Variants in FAM83H observed in about 807,000 individuals in gnomAD.
FAM83H encodes the protein protein FAM83H.
In FAM83H, 24 loss-of-function variants were observed where a neutral mutation model predicts 30.2. That is an observed-to-expected ratio of 0.79 (90% CI 0.57 to 1.12). FAM83H has a LOEUF of 1.12. FAM83H is among the 50% of genes most tolerant of loss of function. The pLI is 0.00. For synonymous variants in FAM83H, 1,013 were observed against 821.7 expected (o/e 1.23, Z -3.98); for missense variants, 2,038 against 1,773.9 (o/e 1.15, Z -2.67).
rs545384400 is a variant in FAM83H, at chr8:143,730,553, C to T, written c.30G>A (p.Gln10=). 3.2e-6 allele frequency: 5 copies of T among 1,562,330 alleles called. No individual in the cohort carries two copies. The African/African-American group carries it at 5.4e-5, about 17-fold the overall frequency. Residue 10 remains glutamine (Q), a synonymous_variant, in exon 2 of 5, where the codon CAG becomes CAA. Coordinates refer to ENST00000388913, the MANE Select transcript of FAM83H (RefSeq NM_198488.5). MARRSQSSS[Q]GDNPLAPGYL... ...ACCCGGGTGCCAGTGGGTTGTCCCC[C>T]TGCGAGGAGCTCTGAGAGCGACGGG... is the stretch of plus-strand genomic sequence containing the variant.
Position 143,725,930 on chromosome 8 carries a change from G to C in FAM83H, c.3531C>G (p.Ser1177Arg), listed in dbSNP as rs782287059. 1.9e-6 allele frequency: 3 copies of C among 1,612,954 alleles called. No individual in the cohort carries two copies. Among genetic ancestry groups the C allele is most frequent in the Non-Finnish European group, 2.5e-6 (3 of 1,179,944 alleles). Residue 1177 changes from serine to arginine, a missense_variant, in exon 5 of 5, where the codon AGC becomes AGG. Ser to Arg is a moderately radical substitution (Grantham distance 110). Coordinates refer to ENST00000388913, the MANE Select transcript of FAM83H (RefSeq NM_198488.5). ...FVPKILGTFK[S>R]KK Reference sequence around the variant, plus strand: ...TGCCAGGCCAGAAGACTCACTTCTTGCTTTTGAACGTGCCCAGGATCTTGG... The same window carrying C: ...TGCCAGGCCAGAAGACTCACTTCTTCCTTTTGAACGTGCCCAGGATCTTGG...
In FAM83H at chr8:143,731,440, C is replaced by T. The variant is rs1818518287; in HGVS notation, c.-15-843G>A. On this transcript the variant is annotated intron_variant, in intron 1 of 4. Transcript: ENST00000388913. ...CTCCTCCTGGAATGGCAACCTTAAG[C>T]CCCACACATAGTCCCGGGCCACACC... 4.1e-6 allele frequency: 4 copies of T among 985,386 alleles called. No homozygotes were observed. In the African/African-American group the frequency reaches 7.0e-5, roughly 17 times the overall value. 61.0% of individuals were successfully genotyped at this position (985,386 alleles called of 1,614,324 possible).
At chr8:143,732,921 G>C (rs2129711094) in intron 1 of FAM83H, among the ~76,000 whole-genome samples, 1 of 152,050 alleles carries the variant, frequency 6.6e-6, no homozygotes, top group East Asian at 1.9e-4. Flanking sequence ...GGCCTTCAAG[G>C]ACCCCATCCT....
intron 1 of FAM83H, among the ~76,000 whole-genome samples, chr8:143,731,168 A>C (rs1367844395): frequency 2.7e-5 from 4 of 147,116 alleles, no homozygotes; most frequent in African/African-American, 1.0e-4. Context: ...CAAACAATCC[A>C]GGCTGCATTC....
At chr8:143,729,971 C>A (rs1211378290) in intron 2 of FAM83H, among the ~76,000 whole-genome samples, 165 bp downstream of exon 2, 2 of 152,176 alleles carry the variant, frequency 1.3e-5, no homozygotes, top group African/African-American at 4.8e-5. Context: ...GCCTGCAGCC[C>A]CTGATGACCG....
rs782476188 is a variant in FAM83H at position 143,726,810 on chromosome 8, G to C, written c.2651C>G (p.Pro884Arg). Reference protein sequence around the residue: ...AYPERKGSPTPGFSTRRGSPT... With the variant: ...AYPERKGSPTRGFSTRRGSPT... The stretch of plus-strand genomic sequence containing the variant: ...ACTTCCTCTTCGAGTGGAAAACCCA[G>C]GCGTGGGGCTCCCCTTCCGCTCAGG... The change falls in exon 5 of 5, where the codon CCT becomes CGT. Residue 884 changes from proline to arginine, a missense_variant. Physicochemically the swap from Pro to Arg is moderately radical, Grantham distance 103. Coordinates refer to ENST00000388913, the MANE Select transcript of FAM83H (RefSeq NM_198488.5). 1 of 1,612,868 alleles carries C rather than the reference G, an allele frequency of 6.2e-7. No individual in the cohort carries two copies. The highest frequency in any genetic ancestry group is 1.1e-5 in the South Asian group (1 of 91,074).
intron 2 of FAM83H, 122 bp downstream of exon 2, chr8:143,730,008 CCAGGGA>C: frequency 2.3e-6 from 2 of 859,182 alleles, no homozygotes; most frequent in Non-Finnish European, 3.5e-6. Context: ...AAGATCTTTG[CCAGGGA>C]CCCCCACTCC....
Position 143,727,002 on chromosome 8 carries a change from A to G in FAM83H, c.2459T>C (p.Leu820Pro). 2 of 1,585,922 alleles carry G rather than the reference A, an allele frequency of 1.3e-6. No individual in the cohort carries two copies. The highest frequency in any genetic ancestry group is 2.3e-5 in the South Asian group (2 of 88,678). ...GAASLTAAQL[L>P]DTLGRSGSDR... ...GGAGCCGCTCCGGCCCAGTGTGTCGAGCAGCTGCGCCGCGGTGAGCGACGC... is the reference window on the plus strand; with the variant it reads ...GGAGCCGCTCCGGCCCAGTGTGTCGGGCAGCTGCGCCGCGGTGAGCGACGC... Residue 820 changes from leucine to proline, a missense_variant, in exon 5 of 5, where the codon CTC (leucine) becomes CCC (proline). Transcript: ENST00000388913.
Position 143,727,055 on chromosome 8 carries a change from G to A in FAM83H, c.2406C>T (p.His802=), listed in dbSNP as rs1554622275. 6 of 1,550,422 alleles carry A rather than the reference G, an allele frequency of 3.9e-6. No individual in the cohort carries two copies. Among genetic ancestry groups the A allele is most frequent in the Admixed American group, 1.9e-5 (1 of 52,678 alleles). ...CTCCCGGCTGCCGCTCCGCCTCCTG[G>A]TGCAGCTGCTGTGCAAAGGAGTCGC... ...DLRDSFAQQL[H]QEAERQPGAA... Residue 802 remains histidine, a synonymous_variant, in exon 5 of 5, where the codon CAC becomes CAT. Coordinates refer to ENST00000388913, the MANE Select transcript of FAM83H (RefSeq NM_198488.5).
chr8:143,727,980 C>T lies in FAM83H; in HGVS notation c.1481G>A (p.Gly494Glu), dbSNP rs1322764655. ...GGGTCCGAGCTCCGGGAAGCGGGGC[C>T]CGGCGCCCAGGGTGAAGTCATCCGG... ...ADPDDFTLGA[G>E]PRFPELGPDG... is the part of the protein sequence containing the mutation. The change falls in exon 5 of 5, where the codon GGG becomes GAG. Residue 494 changes from glycine to glutamate, a missense_variant. By Grantham distance (98) the Gly-to-Glu change is moderately conservative. Transcript: ENST00000388913. 8.9e-6 allele frequency: 14 copies of T among 1,577,984 alleles called. No individual in the cohort carries two copies. In the African/African-American group the frequency reaches 1.6e-4, roughly 18 times the overall value.
chr8:143,728,819 A>G, intron 4 of FAM83H, 96 bp from the exon 5 acceptor site: 1 of 1,596,498 alleles, frequency 6.3e-7, no homozygotes. Flanking sequence ...CAGGGATGTG[A>G]GGTCTGCAAG....
chr8:143,725,158 G>A lies in FAM83H; in HGVS notation c.*763C>T, dbSNP rs1458309759. On this transcript the variant is annotated 3_prime_UTR_variant, in exon 5 of 5. Transcript: ENST00000388913. ...GCCCAGGCGGGGGAGGGGGGAGACGGGGGGGGGGGGGGGGGAGGGAAGGAG... is the reference window on the plus strand; with the variant it reads ...GCCCAGGCGGGGGAGGGGGGAGACGAGGGGGGGGGGGGGGGAGGGAAGGAG... 7.1e-4 allele frequency: 46 copies of A among 65,212 alleles called. 3 individuals carry two copies. Among genetic ancestry groups the A allele is most frequent in the African/African-American group, 2.7e-3 (45 of 16,442 alleles). The allele number at this position is 65,212 out of a possible 1,614,324, so 4.0% of individuals were successfully genotyped here.
At position 143,730,150 on chromosome 8, in the gene FAM83H, G is replaced by C. The variant is rs781884502; in HGVS notation, c.433C>G (p.Arg145Gly). The C allele has an allele frequency of 6.3e-7, 1 of 1,582,686 alleles. No homozygotes were observed. The highest frequency in any genetic ancestry group is 1.7e-5 in the Admixed American group (1 of 58,066). ...AGATGGCGCACCTGCTGGGCGGAACGGATCATCCTGCGGGCCTCATCCTTG... is the reference window on the plus strand; with the variant it reads ...AGATGGCGCACCTGCTGGGCGGAACCGATCATCCTGCGGGCCTCATCCTTG... ...SIKDEARRMI[R>G]SAQQVVAVVM... The change falls in exon 2 of 5, where the codon CGT becomes GGT. Residue 145 changes from arginine (R) to glycine (G), a missense_variant. Arg to Gly is a moderately radical substitution (Grantham distance 125). Coordinates refer to ENST00000388913, the MANE Select transcript of FAM83H (RefSeq NM_198488.5).
In FAM83H at chr8:143,728,306, C is replaced by T; in HGVS notation, c.1155G>A (p.Gly385=). The change falls in exon 5 of 5, where the codon GGG becomes GGA. Residue 385 remains glycine (G), a synonymous_variant. Coordinates refer to ENST00000388913, the MANE Select transcript of FAM83H (RefSeq NM_198488.5). ...PLSRRLEAEA[G]PAGELAGARG... ...GCGCGCCCGCGAGCTCCCCAGCCGG[C>T]CCGGCCTCGGCCTCCAGGCGCCGCG... 1 of 1,459,180 alleles carries T rather than the reference C, an allele frequency of 6.9e-7. No homozygotes were observed. The highest frequency in any genetic ancestry group is 9.0e-7 in the Non-Finnish European group (1 of 1,111,016). The allele number at this position is 1,459,180 out of a possible 1,614,324, so 90.4% of individuals were successfully genotyped here.
In FAM83H at chr8:143,727,118, G is replaced by A. The variant is rs1480416608; in HGVS notation, c.2343C>T (p.Gly781=). ...EEVAAPGAVG[G]ERRSLESCLL... is the part of the protein sequence containing the mutation. ...GGCAGCTCTCGAGGCTGCGGCGCTCGCCCCCCACGGCACCTGGGGCCGCCA... is the reference window on the plus strand; with the variant it reads ...GGCAGCTCTCGAGGCTGCGGCGCTCACCCCCCACGGCACCTGGGGCCGCCA... The change falls in exon 5 of 5, where the codon GGC becomes GGT. Residue 781 remains glycine (G), a synonymous_variant. Transcript: ENST00000388913. The A allele has an allele frequency of 1.6e-5, 24 of 1,534,536 alleles. No individual in the cohort carries two copies. The highest frequency in any genetic ancestry group is 1.9e-5 in the Non-Finnish European group (22 of 1,146,500).
At position 143,728,731 on chromosome 8, in the gene FAM83H, G is replaced by T; in HGVS notation, c.738-8C>A. 6.3e-7 allele frequency: 1 copy of T among 1,598,892 alleles called. No homozygotes were observed. Among genetic ancestry groups the T allele is most frequent in the Non-Finnish European group, 8.5e-7 (1 of 1,179,868 alleles). The stretch of plus-strand genomic sequence containing the variant: ...TCAAAGGACCACATGAAGCTGTGGG[G>T]GGGTCAGGGCCAGAGTCAAACCGAG... On this transcript the variant is annotated splice_region_variant and splice_polypyrimidine_tract_variant and intron_variant, in intron 4 of 4. Coordinates refer to ENST00000388913, the MANE Select transcript of FAM83H (RefSeq NM_198488.5).
rs782717184 is a variant in FAM83H, at chr8:143,726,387, G to A, written c.3074C>T (p.Ser1025Leu). ...GCTGTACAAGGCGTTGGCCGTGGCT[G>A]AGGACAGGCGCGCCCGCGGACCCCG... ...EERGPRARLS[S>L]ATANALYSSN... is the part of the protein sequence containing the mutation. The change falls in exon 5 of 5, where the codon TCA becomes TTA. Residue 1025 changes from serine (S) to leucine (L), a missense_variant. Transcript: ENST00000388913. 5.6e-6 allele frequency: 9 copies of A among 1,609,298 alleles called. No homozygotes were observed. The highest frequency in any genetic ancestry group is 1.7e-4 in the Middle Eastern group (1 of 6,060).
chr8:143,731,105 A>G (rs1438866420), intron 1 of FAM83H, among the ~76,000 whole-genome samples: 1 of 90,002 alleles, frequency 1.1e-5, no homozygotes, highest in Non-Finnish European at 2.4e-5. Flanking sequence ...TACAAAAAAT[A>G]AAAATAAAAC....
chr8:143,732,251 A>C, intron 1 of FAM83H: 10 of 985,372 alleles, frequency 1.0e-5, no homozygotes, highest in Non-Finnish European at 1.2e-5. Context: ...GGCTTGGGAG[A>C]AGCTGTCCCA....
Sources: gnomAD v4.1 joint callset for allele counts (sites outside exome capture counted in the v4.1 genomes callset) on GRCh38, gnomAD v4.1.1 for gene constraint, MANE v1.5 for transcripts, NCBI Gene and HGNC (gene_info 2026-07-23, HGNC 2026-07-21) for gene names.